Variants in ZBTB20 observed in about 807,000 individuals in gnomAD.
The protein encoded by ZBTB20 is zinc finger and BTB domain-containing protein 20.
A neutral mutation model predicts 56.9 loss-of-function variants in ZBTB20; 9 were observed. The ratio of observed to expected loss-of-function variants is 0.16; its 90% CI spans 0.10 to 0.28. The LOEUF (loss-of-function observed/expected upper bound fraction) is 0.28. Ranked by LOEUF, ZBTB20 falls within the 10% of genes least tolerant of loss-of-function variation. ZBTB20 has a pLI of 1.00. For synonymous variants in ZBTB20, 417 were observed against 420.7 expected (o/e 0.99, Z 0.11); for missense variants, 655 against 1,003.0 (o/e 0.65, Z 4.69).
chr3:114,962,640 GCA>G (rs2077497916), intron 3 of ZBTB20, among the ~76,000 whole-genome samples: 1 of 152,018 alleles, frequency 6.6e-6, no homozygotes, highest in Non-Finnish European at 1.5e-5. Flanking sequence ...CTTTTAGATT[GCA>G]CCCAAGAAGG....
intron 3 of ZBTB20, among the ~76,000 whole-genome samples, chr3:114,928,513 T>C (rs1394461579): frequency 6.6e-6 from 1 of 152,188 alleles, no homozygotes. Context: ...AAAAATAAAT[T>C]TGGCAAATTC....
intron 7 of ZBTB20, among the ~76,000 whole-genome samples, chr3:114,498,302 T>C (rs1399503853): frequency 6.6e-6 from 1 of 152,142 alleles, no homozygotes; most frequent in Admixed American, 6.5e-5. Context: ...GAAATCCAGG[T>C]CAAATACAGA....
intron 6 of ZBTB20, among the ~76,000 whole-genome samples, chr3:114,684,001 C>G (rs2062161080): frequency 6.6e-6 from 1 of 152,062 alleles, no homozygotes; most frequent in South Asian, 2.1e-4. Context: ...GAAGGTTAGG[C>G]TGCATCTTCT....
Position 114,377,735 on chromosome 3 carries a change from C to T in ZBTB20, c.199+2482G>A, listed in dbSNP as rs547639920. Among the ~76,000 whole-genome samples the T allele has an allele frequency of 1.1e-4, 16 of 152,176 alleles. 2 individuals carry two copies. In the South Asian group the frequency reaches 3.3e-3, roughly 32 times the overall value. ...ACAATGAGAGCAAATCCATAAACACCCCTCGGTACCCAAATGAGTTAACCA... is the reference window on the plus strand; with the variant it reads ...ACAATGAGAGCAAATCCATAAACACTCCTCGGTACCCAAATGAGTTAACCA... On this transcript the variant is annotated intron_variant, in intron 10 of 11. Coordinates refer to ENST00000675478, the MANE Select transcript of ZBTB20 (RefSeq NM_001348800.3).
intron 9 of ZBTB20, 101 bp from the exon 10 acceptor site, chr3:114,380,505 G>A: frequency 7.4e-7 from 1 of 1,352,344 alleles, no homozygotes; most frequent in Non-Finnish European, 9.8e-7. Context: ...TTTTCTGAAG[G>A]GGGATGGGAG....
chr3:115,078,611 G>GTA (rs1394459745), intron 1 of ZBTB20, among the ~76,000 whole-genome samples: 1 of 133,182 alleles, frequency 7.5e-6, no homozygotes, highest in African/African-American at 3.2e-5. Flanking sequence ...GTGTGTGTGT[G>GTA]TGTATATATA....
At chr3:114,890,584 C>T (rs1440283154) in intron 4 of ZBTB20, among the ~76,000 whole-genome samples, 1 of 152,018 alleles carries the variant, frequency 6.6e-6, no homozygotes, top group Non-Finnish European at 1.5e-5. Context: ...GGGAACATCA[C>T]ACACCGGGCC....
chr3:114,635,209 G>A (rs1057174116), intron 6 of ZBTB20, among the ~76,000 whole-genome samples: 3 of 152,138 alleles, frequency 2.0e-5, no homozygotes, highest in Admixed American at 2.0e-4. Flanking sequence ...ACATAGAACC[G>A]AGCCTTTTCC....
chr3:114,872,007 T>C (rs2076030512), intron 4 of ZBTB20, among the ~76,000 whole-genome samples: 3 of 152,132 alleles, frequency 2.0e-5, no homozygotes, highest in African/African-American at 7.2e-5. Context: ...GCCTAGAGTT[T>C]ACTTTCACTT....
intron 1 of ZBTB20, among the ~76,000 whole-genome samples, chr3:115,116,128 G>A (rs774705469): frequency 2.6e-5 from 4 of 151,846 alleles, no homozygotes; most frequent in Non-Finnish European, 4.4e-5. Flanking sequence ...AAACTAATCT[G>A]TCACTAATCT....
chr3:114,919,748 A>T (rs2075886756), intron 3 of ZBTB20, among the ~76,000 whole-genome samples: 1 of 152,128 alleles, frequency 6.6e-6, no homozygotes, highest in African/African-American at 2.4e-5. Flanking sequence ...ACAATTAACA[A>T]ATGGCAATAG....
intron 4 of ZBTB20, among the ~76,000 whole-genome samples, chr3:114,884,797 T>C (rs1365920370): frequency 6.6e-6 from 1 of 152,144 alleles, no homozygotes; most frequent in Non-Finnish European, 1.5e-5. Context: ...GTTTCAGTCT[T>C]GATATACAGA....
intron 3 of ZBTB20, among the ~76,000 whole-genome samples, chr3:114,935,742 G>A (rs1232760967): frequency 1.3e-5 from 2 of 152,114 alleles, no homozygotes; most frequent in South Asian, 2.1e-4. Context: ...TACTTCTTCA[G>A]CTCCTGTGCT....
intron 7 of ZBTB20, among the ~76,000 whole-genome samples, chr3:114,411,189 C>A (rs1423865483): frequency 1.3e-5 from 2 of 152,138 alleles, no homozygotes; most frequent in African/African-American, 4.8e-5. Context: ...AGAGGAGGTG[C>A]AGGATGCACC....
chr3:115,071,786 T>C (rs1560546886), intron 1 of ZBTB20, among the ~76,000 whole-genome samples: 1 of 152,286 alleles, frequency 6.6e-6, no homozygotes, highest in South Asian at 2.1e-4. Context: ...ATGACTGTTC[T>C]TGTGCATCCA....
chr3:114,997,598 C>T (rs1265032773), intron 2 of ZBTB20, among the ~76,000 whole-genome samples: 2 of 150,792 alleles, frequency 1.3e-5, no homozygotes, highest in Non-Finnish European at 1.5e-5. Flanking sequence ...TGAACAAGTT[C>T]GAATGTTGAT....
chr3:114,806,426 GTT>G (rs1286734256), intron 4 of ZBTB20, among the ~76,000 whole-genome samples: 4 of 151,964 alleles, frequency 2.6e-5, no homozygotes, highest in Middle Eastern at 3.4e-3. Flanking sequence ...ATTTTGCCCA[GTT>G]TTTAGCTGGG....
At chr3:114,438,012 A>C (rs1172492656) in intron 7 of ZBTB20, among the ~76,000 whole-genome samples, 1 of 152,188 alleles carries the variant, frequency 6.6e-6, no homozygotes, top group Non-Finnish European at 1.5e-5. Flanking sequence ...AAAACTCAGC[A>C]AGAAGTAGTC....
At chr3:114,968,717 T>C (rs796314038) in intron 3 of ZBTB20, among the ~76,000 whole-genome samples, 3 of 152,328 alleles carry the variant, frequency 2.0e-5, no homozygotes, top group Admixed American at 6.5e-5. Flanking sequence ...TGATAAATAA[T>C]CATCAAAAGA....
Sources: allele counts gnomAD v4.1 joint callset (sites outside exome capture counted in the v4.1 genomes callset), GRCh38; gene constraint gnomAD v4.1.1; transcripts MANE v1.5; gene names NCBI Gene and HGNC (gene_info 2026-07-23, HGNC 2026-07-21).